Variants in RABGEF1 observed in about 807,000 individuals in gnomAD.
RABGEF1 encodes the protein rab5 GDP/GTP exchange factor.
RABGEF1 carries 26 observed loss-of-function variants against 57.3 expected under a neutral mutation model. That is an observed-to-expected ratio of 0.45 (90% confidence interval 0.33 to 0.63). The LOEUF is 0.63. Among genes scored for constraint, RABGEF1 ranks in the 20% least tolerant of loss-of-function variants. The pLI, the probability that RABGEF1 is intolerant of heterozygous loss-of-function variation, is 0.02. For synonymous variants in RABGEF1, 185 were observed against 210.7 expected (o/e 0.88, Z 1.06); for missense variants, 464 against 607.6 (o/e 0.76, Z 2.48).
chr7:66,781,003 T>G (rs1809753781), intron 3 of RABGEF1, among the ~76,000 whole-genome samples: 1 of 152,208 alleles, frequency 6.6e-6, no homozygotes, highest in Non-Finnish European at 1.5e-5. Flanking sequence ...ATCTCTGACA[T>G]TTTATCAGAC....
At chr7:66,665,936 G>A in the RABGEF1 span, among the ~76,000 whole-genome samples, 2 of 152,244 alleles carry the variant, frequency 1.3e-5, no homozygotes, top group Non-Finnish European at 2.9e-5. Flanking sequence ...GCACGGACCA[G>A]GTGGAGGTCA....
chr7:66,776,416 G>A (rs1048824016), intron 3 of RABGEF1, among the ~76,000 whole-genome samples: 15 of 152,202 alleles, frequency 9.9e-5, no homozygotes, highest in African/African-American at 3.4e-4. Context: ...TACCAGACCT[G>A]GTGCGGTAGC....
rs1438781930 is a variant in RABGEF1 at position 66,811,450 on chromosome 7, T to C, written c.*2166T>C. The C allele has an allele frequency of 1.3e-5, 2 of 152,576 alleles. No homozygotes were observed. Among genetic ancestry groups the C allele is most frequent in the African/African-American group, 4.8e-5 (2 of 41,456 alleles). 9.5% of individuals were successfully genotyped at this position (152,576 alleles called of 1,614,324 possible). On this transcript the variant is annotated 3_prime_UTR_variant, in exon 9 of 9. Transcript: ENST00000284957. Reference sequence around the variant, plus strand: ...TTTATCAATAAAGTTTCACAATCCGTCCCTCTTCCAAAAATTGATTTGGTT... The same window carrying C: ...TTTATCAATAAAGTTTCACAATCCGCCCCTCTTCCAAAAATTGATTTGGTT...
At chr7:66,656,975 T>C in the RABGEF1 span, among the ~76,000 whole-genome samples, 2 of 152,140 alleles carry the variant, frequency 1.3e-5, no homozygotes, top group East Asian at 3.9e-4. Context: ...ATTTAAAACA[T>C]ATGTGCCTAA....
intron 1 of RABGEF1, among the ~76,000 whole-genome samples, chr7:66,703,164 A>C (rs1793543976): frequency 6.6e-6 from 1 of 151,840 alleles, no homozygotes; most frequent in Non-Finnish European, 1.5e-5. Flanking sequence ...TTTTAGTAGA[A>C]ATGGGGTTTC....
intron 7 of RABGEF1, among the ~76,000 whole-genome samples, chr7:66,800,170 T>C (rs1354303038): frequency 6.6e-6 from 1 of 152,206 alleles, no homozygotes; most frequent in African/African-American, 2.4e-5. Context: ...ATATTAGTAG[T>C]GTTGGAGGCT....
chr7:66,655,307 A>G, the RABGEF1 span, among the ~76,000 whole-genome samples: 1 of 152,078 alleles, frequency 6.6e-6, no homozygotes, highest in Non-Finnish European at 1.5e-5. Flanking sequence ...AGGGAGAGAG[A>G]GGGAGGGACT....
At chr7:66,687,545 G>A (rs904961713) in intron 1 of RABGEF1, among the ~76,000 whole-genome samples, 1 of 151,934 alleles carries the variant, frequency 6.6e-6, no homozygotes, top group African/African-American at 2.4e-5. Flanking sequence ...TATGAGTGGT[G>A]GCATGTTCCT....
chr7:66,799,736 T>C (rs1233120264), intron 7 of RABGEF1, among the ~76,000 whole-genome samples: 1 of 152,212 alleles, frequency 6.6e-6, no homozygotes, highest in African/African-American at 2.4e-5. Context: ...TGTTCCATGA[T>C]AGAATAAATT....
At chr7:66,794,258 T>A (rs546027209) in intron 4 of RABGEF1, among the ~76,000 whole-genome samples, 129 of 149,644 alleles carry the variant, frequency 8.6e-4, no homozygotes, top group African/African-American at 2.9e-3. Context: ...AAAAATTTTT[T>A]AATTTCTTTC....
intron 1 of RABGEF1, among the ~76,000 whole-genome samples, chr7:66,684,268 AC>A (rs1225445217): frequency 6.6e-6 from 1 of 151,922 alleles, no homozygotes; most frequent in Non-Finnish European, 1.5e-5. Flanking sequence ...ACATGGTGAA[AC>A]CCCGTCTCTA....
At chr7:66,655,289 G>A in the RABGEF1 span, among the ~76,000 whole-genome samples, 1 of 152,172 alleles carries the variant, frequency 6.6e-6, no homozygotes, top group Non-Finnish European at 1.5e-5. Context: ...TGTCCATCAC[G>A]GCAGTTTAGG....
chr7:66,733,589 T>G (rs1430136377), intron 2 of RABGEF1, among the ~76,000 whole-genome samples: 2 of 152,170 alleles, frequency 1.3e-5, no homozygotes, highest in East Asian at 3.9e-4. Context: ...TCCCAGCTAC[T>G]CGGGAGGCTG....
chr7:66,681,837 C>T (rs1370494434), upstream of RABGEF1, among the ~76,000 whole-genome samples: 6 of 152,224 alleles, frequency 3.9e-5, no homozygotes, highest in African/African-American at 7.2e-5. Flanking sequence ...CTCCAGGAGT[C>T]GCCGCGGTGC....
the RABGEF1 span, among the ~76,000 whole-genome samples, chr7:66,656,974 A>G: frequency 1.3e-5 from 2 of 152,206 alleles, no homozygotes; most frequent in South Asian, 2.1e-4. Context: ...AATTTAAAAC[A>G]TATGTGCCTA....
At chr7:66,668,143 G>A in the RABGEF1 span, among the ~76,000 whole-genome samples, 1 of 152,152 alleles carries the variant, frequency 6.6e-6, no homozygotes. Flanking sequence ...TGTCACCCAA[G>A]CTGGAGTACA....
chr7:66,738,455 G>A (rs900665138), upstream of RABGEF1, among the ~76,000 whole-genome samples: 14 of 152,032 alleles, frequency 9.2e-5, no homozygotes, highest in African/African-American at 3.4e-4. Flanking sequence ...TGGGCCCAGG[G>A]GTCTAGGCTC....
At chr7:66,798,287 C>G (rs557591060) in intron 6 of RABGEF1, among the ~76,000 whole-genome samples, 1 of 152,120 alleles carries the variant, frequency 6.6e-6, no homozygotes, top group Non-Finnish European at 1.5e-5. Flanking sequence ...ACTCCAGTTG[C>G]GGTGGACACT....
intron 4 of RABGEF1, among the ~76,000 whole-genome samples, chr7:66,792,905 T>C (rs995713902): frequency 6.6e-6 from 1 of 152,198 alleles, no homozygotes; most frequent in Admixed American, 6.5e-5. Flanking sequence ...TAACATAGTG[T>C]TAAGTCCTAC....
Sources: allele counts gnomAD v4.1 joint callset (sites outside exome capture counted in the v4.1 genomes callset), GRCh38; gene constraint gnomAD v4.1.1; transcripts MANE v1.5; gene names NCBI Gene and HGNC (gene_info 2026-07-23, HGNC 2026-07-21).